The following HAO1 variants were observed in gnomAD, a reference collection of about 807,000 sequenced individuals.
The protein encoded by HAO1 is hydroxyacid oxidase 1.
HAO1 carries 34 observed loss-of-function variants against 39.7 expected under a neutral mutation model. That is an observed-to-expected ratio of 0.86 (90% confidence interval 0.65 to 1.14). The LOEUF is 1.14. Ranked by LOEUF, HAO1 falls within the 50% of genes most tolerant of loss-of-function variation. The probability of loss-of-function intolerance (pLI) is 0.00; values close to 1 mark genes in which losing one functional copy is unlikely to be tolerated. For synonymous variants in HAO1, 172 were observed against 173.2 expected (o/e 0.99, Z 0.05); for missense variants, 479 against 464.5 (o/e 1.03, Z -0.29).
At chr20:7,924,199 G>T (rs3031714) in intron 2 of HAO1, among the ~76,000 whole-genome samples, 32 of 104,058 alleles carry the variant, frequency 3.1e-4, no homozygotes, top group South Asian at 1.4e-3. Flanking sequence ...GGGTTGTGTT[G>T]TTGTTGTTGT....
intron 2 of HAO1, among the ~76,000 whole-genome samples, chr20:7,929,102 T>G (rs780619220): frequency 2.4e-4 from 37 of 152,142 alleles, no homozygotes; most frequent in Non-Finnish European, 4.0e-4. Context: ...TTTGTTTCAA[T>G]TTCATCTTTT....
At chr20:7,931,363 T>G (rs936841817) in intron 2 of HAO1, among the ~76,000 whole-genome samples, 9 of 152,148 alleles carry the variant, frequency 5.9e-5, no homozygotes, top group African/African-American at 2.2e-4. Flanking sequence ...CTCATGACAC[T>G]TCATAGGAGT....
At chr20:7,889,526 G>A (rs1027184513) in intron 5 of HAO1, among the ~76,000 whole-genome samples, 1 of 152,104 alleles carries the variant, frequency 6.6e-6, no homozygotes, top group Non-Finnish European at 1.5e-5. Flanking sequence ...GGTGATAAGC[G>A]TATTTTTAAC....
intron 1 of HAO1, among the ~76,000 whole-genome samples, chr20:7,938,120 G>T (rs1277952735): frequency 6.6e-6 from 1 of 152,140 alleles, no homozygotes; most frequent in Non-Finnish European, 1.5e-5. Flanking sequence ...AGGTTTGATT[G>T]TTTTGCACTT....
At chr20:7,919,176 G>T (rs1460836477) in intron 2 of HAO1, among the ~76,000 whole-genome samples, 1 of 152,164 alleles carries the variant, frequency 6.6e-6, no homozygotes, top group East Asian at 1.9e-4. Context: ...TTTTGTAATA[G>T]ACGGTATATC....
intron 4 of HAO1, among the ~76,000 whole-genome samples, chr20:7,905,129 T>A (rs2050241401): frequency 6.6e-6 from 1 of 152,312 alleles, no homozygotes; most frequent in East Asian, 1.9e-4. Flanking sequence ...CACTATATGC[T>A]CTATGCATAT....
At chr20:7,934,435 G>A (rs773902622) in intron 2 of HAO1, 49 bp downstream of exon 2, 6 of 1,463,400 alleles carry the variant, frequency 4.1e-6, no homozygotes, top group East Asian at 2.4e-5. Context: ...GAAGGAGGTC[G>A]ATAAACGTTA....
Position 7,885,837 on chromosome 20 carries a change from C to G in HAO1, c.841G>C (p.Ala281Pro). 6.2e-7 allele frequency: 1 copy of G among 1,613,546 alleles called. No homozygotes were observed. Among genetic ancestry groups the G allele is most frequent in the Non-Finnish European group, 8.5e-7 (1 of 1,179,588 alleles). ...AAGACTTCCACCTTCCCTTCCACAGCCTCCACAATTTCTGGCAGAACATCA... is the reference window on the plus strand; with the variant it reads ...AAGACTTCCACCTTCCCTTCCACAGGCTCCACAATTTCTGGCAGAACATCA... ...TIDVLPEIVE[A>P]VEGKVEVFLD... The change falls in exon 6 of 8, where the codon GCT (alanine) becomes CCT (proline). Residue 281 changes from alanine to proline, a missense_variant. By Grantham distance (27) the Ala-to-Pro change is conservative (BLOSUM62 -1). Coordinates refer to ENST00000378789, the MANE Select transcript of HAO1 (RefSeq NM_017545.3).
At chr20:7,896,376 G>A (rs1372202920) in intron 4 of HAO1, among the ~76,000 whole-genome samples, 2 of 152,222 alleles carry the variant, frequency 1.3e-5, no homozygotes, top group East Asian at 3.9e-4. Context: ...ATGGGTATAG[G>A]TCATTGGTAA....
Position 7,926,869 on chromosome 20 carries a change from T to A in HAO1, c.289+7615A>T, listed in dbSNP as rs550324295. On this transcript the variant is annotated intron_variant, in intron 2 of 7. Transcript: ENST00000378789. The stretch of plus-strand genomic sequence containing the variant: ...GCTGGAATTTCTTTTAAAACTTTTT[T>A]TTTTTTTGACAGTTTAATAAGAATT... Among the ~76,000 whole-genome samples, 3 of 152,260 alleles carry A rather than the reference T, an allele frequency of 2.0e-5. No homozygotes were observed. The South Asian group carries it at 6.2e-4, about 32-fold the overall frequency.
At chr20:7,907,732 G>A (rs2050255113) in intron 3 of HAO1, among the ~76,000 whole-genome samples, 1 of 152,044 alleles carries the variant, frequency 6.6e-6, no homozygotes, top group African/African-American at 2.4e-5. Flanking sequence ...CTTTTCTCTT[G>A]GCCTAATATC....
chr20:7,903,549 G>T (rs1412243965), intron 4 of HAO1, among the ~76,000 whole-genome samples: 1 of 151,622 alleles, frequency 6.6e-6, no homozygotes, highest in Non-Finnish European at 1.5e-5. Flanking sequence ...GGTGGTGGTG[G>T]TTGTCTTGGT....
intron 4 of HAO1, among the ~76,000 whole-genome samples, chr20:7,897,355 C>T (rs1024394792): frequency 1.3e-5 from 2 of 151,966 alleles, no homozygotes; most frequent in African/African-American, 4.8e-5. Context: ...TTAATAATTT[C>T]CTCCAGGCCT....
intron 2 of HAO1, 41 bp downstream of exon 2, chr20:7,934,443 T>C: frequency 6.5e-7 from 1 of 1,543,308 alleles, no homozygotes; most frequent in Non-Finnish European, 8.8e-7. Flanking sequence ...TCGATAAACG[T>C]TAGCCTCCTT....
At chr20:7,935,903 C>A (rs1286536453) in intron 1 of HAO1, among the ~76,000 whole-genome samples, 1 of 152,054 alleles carries the variant, frequency 6.6e-6, no homozygotes, top group Non-Finnish European at 1.5e-5. Flanking sequence ...GCATATCTAA[C>A]CAGCATTCAC....
chr20:7,922,111 G>C lies in HAO1; in HGVS notation c.290-7692C>G, dbSNP rs185404532. On this transcript the variant is annotated intron_variant, in intron 2 of 7. Transcript: ENST00000378789. ...ATGGCTCCCTGATTCTAAAATAAAA[G>C]TTGAAAAAAGAAAAAAAATTGGCAA... Among the ~76,000 whole-genome samples the C allele has an allele frequency of 1.7e-4, 26 of 151,746 alleles. No individual in the cohort carries two copies. In the East Asian group the frequency reaches 4.3e-3, roughly 25 times the overall value.
rs74839968 is a variant in HAO1, at chr20:7,885,411, G to A, written c.1042+110C>T. 7,906 of 726,594 alleles carry A rather than the reference G, an allele frequency of 0.011. 377 individuals are homozygous for A. The African/African-American group carries it at 0.11, about 10-fold the overall frequency. 45.0% of individuals were successfully genotyped at this position (726,594 alleles called of 1,614,324 possible). A position where few individuals can be genotyped will look rare whatever the true frequency, so the allele number is the denominator to read the frequency against. ...ATATGGAGTCAACGTCAAATTTAATGTACTCAAATGATCCCACACTCTTCC... is the reference window on the plus strand; with the variant it reads ...ATATGGAGTCAACGTCAAATTTAATATACTCAAATGATCCCACACTCTTCC... On this transcript the variant is annotated intron_variant, in intron 7 of 7. Coordinates refer to ENST00000378789, the MANE Select transcript of HAO1 (RefSeq NM_017545.3).
At chr20:7,934,657 A>T in intron 1 of HAO1, 22 bp from the exon 2 acceptor site, 1 of 1,497,974 alleles carries the variant, frequency 6.7e-7, no homozygotes, top group Non-Finnish European at 9.0e-7. Context: ...AAATAAAATA[A>T]AATAAAAGGC....
Position 7,883,600 on chromosome 20 carries a change from T to C in HAO1, c.1106A>G (p.Lys369Arg). The change falls in exon 8 of 8, where the codon AAG (lysine) becomes AGG (arginine). Residue 369 changes from lysine to arginine, a missense_variant. Lys to Arg is a conservative substitution (Grantham distance 26). Coordinates refer to ENST00000378789, the MANE Select transcript of HAO1 (RefSeq NM_017545.3). ...LVRKNPLAVS[K>R]I is the part of the protein sequence containing the mutation. ...GGAAAATATTGTGCACTGTCAGATC[T>C]TGGAAACGGCCAAAGGATTTTTCCT... 1 of 1,611,654 alleles carries C rather than the reference T, an allele frequency of 6.2e-7. No individual in the cohort carries two copies. Among genetic ancestry groups the C allele is most frequent in the East Asian group, 2.2e-5 (1 of 44,826 alleles).
Sources: allele counts gnomAD v4.1 joint callset (sites outside exome capture counted in the v4.1 genomes callset), GRCh38; gene constraint gnomAD v4.1.1; transcripts MANE v1.5; gene names NCBI Gene and HGNC (gene_info 2026-07-23, HGNC 2026-07-21).